NECAB1: variants seen among roughly 807,000 people sequenced by gnomAD.
NECAB1 encodes N-terminal EF-hand calcium binding protein 1.
In NECAB1, 29 loss-of-function variants were observed where a neutral mutation model predicts 57.5. That is an observed-to-expected ratio of 0.50 (90% CI 0.38 to 0.69). The LOEUF (loss-of-function observed/expected upper bound fraction) is 0.69. Ranked by LOEUF, NECAB1 falls within the 30% of genes least tolerant of loss-of-function variation. The probability of loss-of-function intolerance (pLI) is 0.00; values close to 1 mark genes in which losing one functional copy is unlikely to be tolerated. For synonymous variants in NECAB1, 142 were observed against 147.7 expected (o/e 0.96, Z 0.28); for missense variants, 372 against 413.8 (o/e 0.90, Z 0.88).
At chr8:90,952,608 C>T (rs1810943585) in intron 12 of NECAB1, among the ~76,000 whole-genome samples, 2 of 151,952 alleles carry the variant, frequency 1.3e-5, no homozygotes, top group Non-Finnish European at 1.5e-5. Context: ...GAAACCCCAC[C>T]TCTACTAAAA....
chr8:90,927,819 C>G (rs991998094), intron 7 of NECAB1, among the ~76,000 whole-genome samples: 1 of 135,598 alleles, frequency 7.4e-6, no homozygotes, highest in African/African-American at 3.1e-5. Flanking sequence ...TTTTTTTTAT[C>G]GTAGCAATTT....
chr8:90,906,876 C>CACAT (rs375695060), intron 5 of NECAB1, among the ~76,000 whole-genome samples: 10 of 121,758 alleles, frequency 8.2e-5, no homozygotes, highest in South Asian at 2.7e-4. Context: ...ATGATATACA[C>CACAT]ATATATATAT....
At chr8:90,832,499 T>C (rs1042830515) in intron 3 of NECAB1, among the ~76,000 whole-genome samples, 3 of 152,136 alleles carry the variant, frequency 2.0e-5, no homozygotes, top group Non-Finnish European at 2.9e-5. Context: ...GAAAAACTGG[T>C]TCTAATTTTC....
rs982285567 is a variant in NECAB1 at position 90,928,405 on chromosome 8, C to T, written c.693+106C>T. Reference sequence around the variant, plus strand: ...GACTGCCCCATAGATAGAATAACAGCCAGGATCCCAATGATTCTATGAATG... The same window carrying T: ...GACTGCCCCATAGATAGAATAACAGTCAGGATCCCAATGATTCTATGAATG... On this transcript the variant is annotated intron_variant, in intron 8 of 12. Coordinates refer to ENST00000417640, the MANE Select transcript of NECAB1 (RefSeq NM_022351.5). 18 of 744,680 alleles carry T rather than the reference C, an allele frequency of 2.4e-5. No homozygotes were observed. In the African/African-American group the frequency reaches 2.8e-4, roughly 11 times the overall value. The allele number at this position is 744,680 out of a possible 1,614,324, so 46.1% of individuals were successfully genotyped here. A position where few individuals can be genotyped will look rare whatever the true frequency, so the allele number is the denominator to read the frequency against.
intron 3 of NECAB1, among the ~76,000 whole-genome samples, chr8:90,861,324 ACATTTCCCTT>A (rs1207384436): frequency 6.6e-6 from 1 of 152,118 alleles, no homozygotes. Flanking sequence ...ACATAATTCC[ACATTTCCCTT>A]CCTCTTTTGA....
At chr8:90,890,459 T>C (rs1203502624) in intron 5 of NECAB1, among the ~76,000 whole-genome samples, 1 of 152,168 alleles carries the variant, frequency 6.6e-6, no homozygotes. Context: ...TAATCTTGGG[T>C]ATTTCTTCAT....
At chr8:90,801,227 A>C (rs1811752003) in intron 1 of NECAB1, among the ~76,000 whole-genome samples, 1 of 152,106 alleles carries the variant, frequency 6.6e-6, no homozygotes, top group African/African-American at 2.4e-5. Flanking sequence ...CACCTGCAAA[A>C]GTTTTCTTAC....
intron 3 of NECAB1, among the ~76,000 whole-genome samples, chr8:90,841,548 T>C (rs996153778): frequency 6.6e-6 from 1 of 152,176 alleles, no homozygotes; most frequent in African/African-American, 2.4e-5. Flanking sequence ...TAGGAGAATA[T>C]TGGAGGCCAC....
chr8:90,955,568 A>T lies in NECAB1; in HGVS notation c.*56A>T. 1 of 1,356,772 alleles carries T rather than the reference A, an allele frequency of 7.4e-7. No individual in the cohort carries two copies. The highest frequency in any genetic ancestry group is 1.4e-5 in the South Asian group (1 of 70,938). 84.0% of individuals were successfully genotyped at this position (1,356,772 alleles called of 1,614,324 possible). A position where few individuals can be genotyped will look rare whatever the true frequency, so the allele number is the denominator to read the frequency against. ...AGTGCAAAACAGGTGTTCTTATCTAAAACGTCAATTAGAAAATTATCTGCG... is the reference window on the plus strand; with the variant it reads ...AGTGCAAAACAGGTGTTCTTATCTATAACGTCAATTAGAAAATTATCTGCG... On this transcript the variant is annotated 3_prime_UTR_variant, in exon 13 of 13. Coordinates refer to ENST00000417640, the MANE Select transcript of NECAB1 (RefSeq NM_022351.5).
intron 5 of NECAB1, among the ~76,000 whole-genome samples, chr8:90,905,496 A>G (rs569518878): frequency 1.3e-5 from 2 of 152,340 alleles, no homozygotes; most frequent in Non-Finnish European, 2.9e-5. Flanking sequence ...CAGTTGGAAC[A>G]AGGATTCATA....
chr8:90,896,521 C>T (rs187230764), intron 5 of NECAB1, among the ~76,000 whole-genome samples: 1,998 of 152,016 alleles, frequency 0.013, 36 homozygotes, highest in African/African-American at 0.045. Flanking sequence ...AGAAGAATGG[C>T]GGGAACCCGG....
rs1811029283 is a variant in NECAB1, at chr8:90,956,221, A to G, written c.*709A>G. 1 of 152,074 alleles carries G rather than the reference A, an allele frequency of 6.6e-6. No individual in the cohort carries two copies. Among genetic ancestry groups the G allele is most frequent in the Admixed American group, 6.6e-5 (1 of 15,232 alleles). 9.4% of individuals were successfully genotyped at this position (152,074 alleles called of 1,614,324 possible). ...TAATTCTTTGTTATGTAAGTTAAAT[A>G]TATCAAGAAAGAAGAGACTGTTTGG... On this transcript the variant is annotated 3_prime_UTR_variant, in exon 13 of 13. Coordinates refer to ENST00000417640, the MANE Select transcript of NECAB1 (RefSeq NM_022351.5).
rs1381668913 is a variant in NECAB1, at chr8:90,868,079, CTCTCTCTT to C, written c.234-4044_234-4037del. Among the ~76,000 whole-genome samples, 19 of 135,686 alleles carry C rather than the reference CTCTCTCTT, an allele frequency of 1.4e-4. No individual in the cohort carries two copies. In the East Asian group the frequency reaches 4.2e-3, roughly 30 times the overall value. The allele number at this position is 135,686 out of a possible 152,430, so 89.0% of individuals were successfully genotyped here. On this transcript the variant is annotated intron_variant, in intron 3 of 12. Coordinates refer to ENST00000417640, the MANE Select transcript of NECAB1 (RefSeq NM_022351.5). ...ATTGTGTAGCACTTCCCCCTTCACTCTCTCTCTTTCTCCTGCTCCTGCCATATAAGATG... is the reference window on the plus strand; with the variant it reads ...ATTGTGTAGCACTTCCCCCTTCACTCTCTCCTGCTCCTGCCATATAAGATG...
intron 3 of NECAB1, among the ~76,000 whole-genome samples, chr8:90,861,728 T>C (rs1808387361): frequency 6.6e-6 from 1 of 152,118 alleles, no homozygotes; most frequent in Admixed American, 6.5e-5. Context: ...GTGAAAAAAA[T>C]ATTATTAACC....
intron 7 of NECAB1, 57 bp from the exon 8 acceptor site, chr8:90,928,166 C>T: frequency 7.8e-7 from 1 of 1,285,210 alleles, no homozygotes; most frequent in Non-Finnish European, 1.1e-6. Context: ...TATAACCAAG[C>T]ATTTCTTCTC....
intron 5 of NECAB1, among the ~76,000 whole-genome samples, chr8:90,891,815 T>C (rs1355002984): frequency 6.6e-6 from 1 of 152,004 alleles, no homozygotes; most frequent in Non-Finnish European, 1.5e-5. Context: ...TGCCTCAGCC[T>C]CCCAAGTAGC....
At chr8:90,879,143 CGA>C (rs1199783435) in intron 4 of NECAB1, among the ~76,000 whole-genome samples, 1 of 136,892 alleles carries the variant, frequency 7.3e-6, no homozygotes, top group Non-Finnish European at 1.5e-5. Flanking sequence ...ATATATATAT[CGA>C]GAGAGAGAGT....
intron 3 of NECAB1, among the ~76,000 whole-genome samples, chr8:90,862,243 T>C (rs895536854): frequency 6.6e-6 from 1 of 152,168 alleles, no homozygotes; most frequent in Non-Finnish European, 1.5e-5. Context: ...AACGGATATA[T>C]GCATAAATTC....
At chr8:90,838,049 G>C (rs1265379714) in intron 3 of NECAB1, among the ~76,000 whole-genome samples, 1 of 152,086 alleles carries the variant, frequency 6.6e-6, no homozygotes, top group Non-Finnish European at 1.5e-5. Flanking sequence ...TTAAAATAGA[G>C]CATAGTCAGA....
Sources: gnomAD v4.1 joint callset for allele counts (sites outside exome capture counted in the v4.1 genomes callset) on GRCh38, gnomAD v4.1.1 for gene constraint, MANE v1.5 for transcripts, NCBI Gene and HGNC (gene_info 2026-07-23, HGNC 2026-07-21) for gene names.